Variants in ME2 observed in about 807,000 individuals in gnomAD.
ME2 encodes malic enzyme 2, also known as NAD-dependent malic enzyme, mitochondrial.
A neutral mutation model predicts 73.7 loss-of-function variants in ME2; 60 were observed. The ratio of observed to expected loss-of-function variants is 0.81; its 90% CI spans 0.66 to 1.01. The LOEUF (loss-of-function observed/expected upper bound fraction) is 1.01, where lower values mean the gene tolerates loss of function less well. Ranked by LOEUF, ME2 falls within the 50% of genes least tolerant of loss-of-function variation. The probability of loss-of-function intolerance (pLI) is 0.00; values close to 1 mark genes in which losing one functional copy is unlikely to be tolerated. For missense variants in ME2, 594 were observed against 705.5 expected (o/e 0.84, Z 1.79); for synonymous variants, 199 against 236.9 (o/e 0.84, Z 1.47).
At position 50,951,401 on chromosome 18, in the gene ME2, T is replaced by G. The variant is rs1182312726; in HGVS notation, c.*4217T>G. On this transcript the variant is annotated 3_prime_UTR_variant, in exon 16 of 16. Transcript: ENST00000321341. ...GCCTTGGGAAAAATACTTCAAATGCTCCCATAGTTTTTTTTCCTCAAGCCC... is the reference window on the plus strand; with the variant it reads ...GCCTTGGGAAAAATACTTCAAATGCGCCCATAGTTTTTTTTCCTCAAGCCC... The G allele has an allele frequency of 6.6e-6, 1 of 152,084 alleles. No homozygotes were observed. Among genetic ancestry groups the G allele is most frequent in the Non-Finnish European group, 1.5e-5 (1 of 68,016 alleles). The allele number at this position is 152,084 out of a possible 1,614,324, so 9.4% of individuals were successfully genotyped here.
rs772513932 is a variant in ME2, at chr18:50,947,166, T to C, written c.1737T>C (p.Pro579=). The change falls in exon 16 of 16, where the codon CCT becomes CCC. Residue 579 remains proline (P), a synonymous_variant. Transcript: ENST00000321341. ...AATGGCCAGAATCTGCATCAAGCCC[T>C]CCTGTGATAACAGAATAGAAGCACT... ...VYEWPESASS[P]PVITE is the part of the protein sequence containing the mutation. The C allele has an allele frequency of 1.2e-6, 2 of 1,613,132 alleles. No homozygotes were observed. Among genetic ancestry groups the C allele is most frequent in the Middle Eastern group, 1.9e-4 (1 of 5,312 alleles).
At chr18:50,934,793 A>G (rs1340054328) in intron 13 of ME2, 1 of 152,216 alleles carries the variant, frequency 6.6e-6, no homozygotes, top group African/African-American at 2.4e-5. Flanking sequence ...CAACCGGATG[A>G]AAATTTTTTT....
intron 1 of ME2, among the ~76,000 whole-genome samples, chr18:50,894,068 A>G (rs1916672746): frequency 6.6e-6 from 1 of 152,236 alleles, no homozygotes; most frequent in Non-Finnish European, 1.5e-5. Context: ...GTCATATTTA[A>G]TATCAGGCTT....
At chr18:50,888,801 T>C (rs749924056) in intron 1 of ME2, among the ~76,000 whole-genome samples, 2 of 152,184 alleles carry the variant, frequency 1.3e-5, no homozygotes, top group African/African-American at 2.4e-5. Flanking sequence ...ACTAAATATA[T>C]TGATCTTCCT....
intron 12 of ME2, among the ~76,000 whole-genome samples, chr18:50,927,967 C>A (rs2144250193): frequency 6.6e-6 from 1 of 150,998 alleles, no homozygotes; most frequent in East Asian, 2.0e-4. Context: ...GCAAATACCA[C>A]CACACCCAGC....
intron 13 of ME2, chr18:50,935,104 T>C (rs1917785977): frequency 6.6e-6 from 1 of 152,104 alleles, no homozygotes; most frequent in African/African-American, 2.4e-5. Flanking sequence ...TTAGAAAACC[T>C]CAAGCCTCTG....
chr18:50,930,214 C>G (rs988060806), intron 12 of ME2, among the ~76,000 whole-genome samples: 2 of 151,996 alleles, frequency 1.3e-5, no homozygotes, highest in African/African-American at 4.8e-5. Context: ...GAGCTGTGAT[C>G]GTGCCACTGA....
At position 50,951,168 on chromosome 18, in the gene ME2, A is replaced by G. The variant is rs535368386; in HGVS notation, c.*3984A>G. 10 of 152,312 alleles carry G rather than the reference A, an allele frequency of 6.6e-5. No homozygotes were observed. Among genetic ancestry groups the G allele is most frequent in the African/African-American group, 1.9e-4 (8 of 41,566 alleles). 9.4% of individuals were successfully genotyped at this position (152,312 alleles called of 1,614,324 possible). On this transcript the variant is annotated 3_prime_UTR_variant, in exon 16 of 16. Coordinates refer to ENST00000321341, the MANE Select transcript of ME2 (RefSeq NM_002396.5). ...TATCAAATGGACATTTATTTCTCTT[A>G]GTTTTCTTATGACATGACTTGCCTT...
rs866396330 is a variant in ME2 at position 50,913,860 on chromosome 18, T to C, written c.392+910T>C. Among the ~76,000 whole-genome samples the C allele has an allele frequency of 4.9e-5, 7 of 143,284 alleles. No individual in the cohort carries two copies. In the East Asian group the frequency reaches 1.0e-3, roughly 21 times the overall value. 94.0% of individuals were successfully genotyped at this position (143,284 alleles called of 152,430 possible). On this transcript the variant is annotated intron_variant, in intron 4 of 15. Transcript: ENST00000321341. ...CTTTGGAAAATTATCAGCAATATTA[T>C]ACACACACACACACACACACACACA...
In ME2 at chr18:50,917,470, T is replaced by G. The variant is rs1347878999; in HGVS notation, c.592T>G (p.Cys198Gly). 6.2e-7 allele frequency: 1 copy of G among 1,613,296 alleles called. No individual in the cohort carries two copies. The highest frequency in any genetic ancestry group is 8.5e-7 in the Non-Finnish European group (1 of 1,179,386). The change falls in exon 6 of 16, where the codon TGC becomes GGC. Residue 198 changes from cysteine to glycine, a missense_variant. Cys to Gly is a radical substitution (Grantham distance 159). Coordinates refer to ENST00000321341, the MANE Select transcript of ME2 (RefSeq NM_002396.5). ...TACAGIRPDR[C>G]LPVCIDVGTD... ...TTGTGCAGGAATACGGCCTGATAGA[T>G]GCCTGCCAGTGTGTATTGATGTGGG... is the stretch of plus-strand genomic sequence containing the variant.
At chr18:50,882,784 A>T (rs1313887850) in intron 1 of ME2, among the ~76,000 whole-genome samples, 4 of 152,144 alleles carry the variant, frequency 2.6e-5, no homozygotes, top group Non-Finnish European at 5.9e-5. Context: ...CCCCGTCTCT[A>T]CTAAAAATAC....
intron 13 of ME2, 27 bp from the exon 14 acceptor site, chr18:50,939,543 A>C (rs765781977): frequency 6.7e-7 from 1 of 1,496,542 alleles, no homozygotes; most frequent in Non-Finnish European, 9.3e-7. Flanking sequence ...AAGTGACCAT[A>C]CTAGTAAACT....
intron 1 of ME2, among the ~76,000 whole-genome samples, chr18:50,891,814 ATTT>A (rs199728259): frequency 3.6e-5 from 5 of 140,820 alleles, no homozygotes; most frequent in Non-Finnish European, 4.7e-5. Context: ...TGGACTTATA[ATTT>A]TTTTTTTTTT....
At chr18:50,912,064 G>T (rs1034423101) in intron 3 of ME2, among the ~76,000 whole-genome samples, 1 of 152,134 alleles carries the variant, frequency 6.6e-6, no homozygotes, top group Non-Finnish European at 1.5e-5. Context: ...TGGTGTTGGG[G>T]AGGGTAGGAG....
intron 12 of ME2, among the ~76,000 whole-genome samples, chr18:50,927,714 A>C (rs1196567148): frequency 3.2e-5 from 3 of 93,938 alleles, no homozygotes; most frequent in Admixed American, 2.6e-4. Flanking sequence ...AAAAAACCCC[A>C]AAAAACCATA....
At position 50,947,597 on chromosome 18, in the gene ME2, GAGA is replaced by G. The variant is rs1918117188; in HGVS notation, c.*418_*420del. 6.5e-6 allele frequency: 1 copy of G among 153,532 alleles called. No individual in the cohort carries two copies. Among genetic ancestry groups the G allele is most frequent in the African/African-American group, 2.4e-5 (1 of 41,488 alleles). 9.5% of individuals were successfully genotyped at this position (153,532 alleles called of 1,614,324 possible). ...TTTATGGATAGAAGTACAGAATTTT[GAGA>G]AGAAACTAAATTTTCACCAAATTTT... On this transcript the variant is annotated 3_prime_UTR_variant, in exon 16 of 16. Coordinates refer to ENST00000321341, the MANE Select transcript of ME2 (RefSeq NM_002396.5).
chr18:50,919,482 A>C (rs8084506), intron 7 of ME2, among the ~76,000 whole-genome samples: 24 of 152,272 alleles, frequency 1.6e-4, no homozygotes, highest in African/African-American at 5.3e-4. Context: ...ATCTTGGACA[A>C]CCAAATAGTA....
At chr18:50,933,342 C>T (rs1340705499) in intron 13 of ME2, 2 of 152,084 alleles carry the variant, frequency 1.3e-5, no homozygotes, top group Admixed American at 6.5e-5. Flanking sequence ...ACAGCAGGCT[C>T]TAATTAAGAT....
chr18:50,896,747 A>C (rs564005740), intron 2 of ME2, among the ~76,000 whole-genome samples: 2 of 152,288 alleles, frequency 1.3e-5, no homozygotes, highest in South Asian at 4.1e-4. Flanking sequence ...TTTGTTTCCC[A>C]CTATCAGGGA....
Sources: allele counts gnomAD v4.1 joint callset (sites outside exome capture counted in the v4.1 genomes callset), GRCh38; gene constraint gnomAD v4.1.1; transcripts MANE v1.5; gene names NCBI Gene and HGNC (gene_info 2026-07-23, HGNC 2026-07-21).